WFDC1: variants seen among roughly 807,000 people sequenced by gnomAD.
The protein encoded by WFDC1 is WAP four-disulfide core domain protein 1.
WFDC1 carries 39 observed loss-of-function variants against 32.9 expected under a neutral mutation model. The observed-to-expected ratio is 1.19, with a 90% CI of 0.92 to 1.55. WFDC1 has a LOEUF of 1.55. Ranked by LOEUF, WFDC1 falls within the 40% of genes most tolerant of loss-of-function variation. WFDC1 has a pLI of 0.00. For synonymous variants in WFDC1, 184 were observed against 137.4 expected (o/e 1.34, Z -2.37); for missense variants, 386 against 309.5 (o/e 1.25, Z -1.85).
rs755934672 is a variant in WFDC1, at chr16:84,319,414, G to A, written c.422-17G>A. Reference sequence around the variant, plus strand: ...GGGAGTCGGCCTTCTAGACCCCAGCGTGTGTCCCTCCTGCAGCAGAGGCGT... The same window carrying A: ...GGGAGTCGGCCTTCTAGACCCCAGCATGTGTCCCTCCTGCAGCAGAGGCGT... On this transcript the variant is annotated splice_polypyrimidine_tract_variant and intron_variant, in intron 3 of 6. Transcript: ENST00000219454. 77 of 1,607,000 alleles carry A rather than the reference G, an allele frequency of 4.8e-5. No individual in the cohort carries two copies. The highest frequency in any genetic ancestry group is 3.3e-4 in the Middle Eastern group (2 of 6,070).
At chr16:84,304,011 A>G (rs1196549363) in intron 1 of WFDC1, among the ~76,000 whole-genome samples, 1 of 152,180 alleles carries the variant, frequency 6.6e-6, no homozygotes, top group African/African-American at 2.4e-5. Flanking sequence ...AACATGGTGG[A>G]TCGACATCTT....
chr16:84,303,478 TA>T (rs34066941), intron 1 of WFDC1, among the ~76,000 whole-genome samples: 4,802 of 142,060 alleles, frequency 0.034, 87 homozygotes, highest in African/African-American at 0.057. Flanking sequence ...ATGTTTACTG[TA>T]AAAAAAAAAA....
At chr16:84,317,018 T>A (rs1597685589) in intron 2 of WFDC1, 1 of 148,236 alleles carries the variant, frequency 6.7e-6, no homozygotes, top group Non-Finnish European at 1.5e-5. Flanking sequence ...ACAGTCCGGG[T>A]GCAGTGGCTC....
In WFDC1 at chr16:84,326,893, A is replaced by G. The variant is rs1908634183; in HGVS notation, c.616A>G (p.Lys206Glu). Reference protein sequence around the residue: ...LYKEYPEGDSKNVAEPGRGQQ... With the variant: ...LYKEYPEGDSENVAEPGRGQQ... ...TGTTCTTTTCACAGAAGGTGACTCA[A>G]AGAATGTGGCAGAACCTGGAAGGGG... The change falls in exon 6 of 7, where the codon AAG becomes GAG. Residue 206 changes from lysine to glutamate, a missense_variant. By Grantham distance (56) the Lys-to-Glu change is moderately conservative. Coordinates refer to ENST00000219454, the MANE Select transcript of WFDC1 (RefSeq NM_021197.4). 1.2e-6 allele frequency: 2 copies of G among 1,614,082 alleles called. No individual in the cohort carries two copies. The highest frequency in any genetic ancestry group is 2.2e-5 in the South Asian group (2 of 91,082).
intron 1 of WFDC1, among the ~76,000 whole-genome samples, chr16:84,300,446 G>A (rs1906868202): frequency 6.6e-6 from 1 of 152,226 alleles, no homozygotes; most frequent in Admixed American, 6.5e-5. Flanking sequence ...CTCCCCAGCT[G>A]GGGCTTCCTG....
intron 1 of WFDC1, among the ~76,000 whole-genome samples, chr16:84,310,870 C>T (rs187740900): frequency 2.6e-5 from 4 of 152,084 alleles, no homozygotes; most frequent in African/African-American, 7.2e-5. Context: ...CAGATATGCC[C>T]TATGTACTGG....
intron 4 of WFDC1, 143 bp downstream of exon 4, chr16:84,319,714 C>A: frequency 8.9e-7 from 1 of 1,119,506 alleles, no homozygotes; most frequent in South Asian, 1.6e-5. Flanking sequence ...CATCTTCCCC[C>A]TGCCCGGCTC....
At position 84,294,904 on chromosome 16, in the gene WFDC1, C is replaced by T. The variant is rs1906489076; in HGVS notation, c.-68C>T. On this transcript the variant is annotated 5_prime_UTR_variant, in exon 1 of 7. Coordinates refer to ENST00000219454, the MANE Select transcript of WFDC1 (RefSeq NM_021197.4). ...GACTGTGCACGCTCCTGTCCCCACT[C>T]ACAGGCCCACGCAGCGAGGGGGGCC... 2 of 1,566,804 alleles carry T rather than the reference C, an allele frequency of 1.3e-6. No individual in the cohort carries two copies. Among genetic ancestry groups the T allele is most frequent in the South Asian group, 2.4e-5 (2 of 82,562 alleles).
intron 2 of WFDC1, chr16:84,316,233 C>A (rs1216386913): frequency 6.6e-6 from 1 of 152,214 alleles, no homozygotes; most frequent in Non-Finnish European, 1.5e-5. Flanking sequence ...CTCTGCTGTT[C>A]CAACTTCCAT....
chr16:84,323,246 G>C (rs560177634), intron 4 of WFDC1, among the ~76,000 whole-genome samples: 1 of 152,348 alleles, frequency 6.6e-6, no homozygotes, highest in Admixed American at 6.5e-5. Context: ...GTCCCAAACA[G>C]CCTGATGATT....
intron 2 of WFDC1, among the ~76,000 whole-genome samples, chr16:84,315,797 G>C (rs1907912966): frequency 1.3e-5 from 2 of 152,190 alleles, no homozygotes; most frequent in African/African-American, 2.4e-5. Context: ...CTCAGGCCCT[G>C]TTCCAGGCAC....
intron 2 of WFDC1, 200 bp from the exon 3 acceptor site, chr16:84,318,072 C>T (rs1413838667): frequency 1.3e-5 from 7 of 556,486 alleles, no homozygotes; most frequent in South Asian, 3.9e-5. Flanking sequence ...GGCTAGTCCC[C>T]AGCTTTGTGG....
intron 3 of WFDC1, 88 bp from the exon 4 acceptor site, chr16:84,319,343 C>A: frequency 6.5e-7 from 1 of 1,537,810 alleles, no homozygotes. Flanking sequence ...TCCCTGCACC[C>A]GTCCCGGGAG....
chr16:84,295,298 A>G, intron 1 of WFDC1, 183 bp downstream of exon 1: 3 of 670,218 alleles, frequency 4.5e-6, no homozygotes, highest in Non-Finnish European at 7.1e-6. Flanking sequence ...CCCCCAAAAA[A>G]GGACCCTTAT....
chr16:84,321,032 A>C (rs535510230), intron 4 of WFDC1, among the ~76,000 whole-genome samples: 1 of 152,230 alleles, frequency 6.6e-6, no homozygotes, highest in Non-Finnish European at 1.5e-5. Flanking sequence ...TGAAACAAAG[A>C]GATGCCTTTT....
intron 1 of WFDC1, among the ~76,000 whole-genome samples, chr16:84,310,287 G>A (rs954669281): frequency 6.6e-5 from 10 of 152,108 alleles, no homozygotes; most frequent in African/African-American, 2.4e-4. Flanking sequence ...GCTGATTTGA[G>A]TCTCGGGGAA....
chr16:84,326,821 C>CA, intron 5 of WFDC1, 61 bp from the exon 6 acceptor site: 6 of 1,602,902 alleles, frequency 3.7e-6, no homozygotes, highest in Non-Finnish European at 5.1e-6. Flanking sequence ...TGGTGAGCCA[C>CA]GGGGGGCATT....
chr16:84,300,516 G>C (rs1483152779), intron 1 of WFDC1, among the ~76,000 whole-genome samples: 4 of 152,234 alleles, frequency 2.6e-5, no homozygotes, highest in African/African-American at 9.6e-5. Context: ...GCTGTGGGTT[G>C]AACTGTGTCC....
chr16:84,327,019 T>C, intron 6 of WFDC1, 64 bp downstream of exon 6: 1 of 1,535,290 alleles, frequency 6.5e-7, no homozygotes, highest in South Asian at 1.1e-5. Flanking sequence ...TCCTGGCAGC[T>C]TTCACCACCA....
Sources: allele counts gnomAD v4.1 joint callset (sites outside exome capture counted in the v4.1 genomes callset), GRCh38; gene constraint gnomAD v4.1.1; transcripts MANE v1.5; gene names NCBI Gene and HGNC (gene_info 2026-07-23, HGNC 2026-07-21).